SOX5: variants seen among roughly 807,000 people sequenced by gnomAD.
SOX5 encodes the protein transcription factor SOX-5.
Under a neutral mutation model 92.0 loss-of-function variants are expected in SOX5, and 9 were observed. The observed-to-expected ratio is 0.10, with a 90% confidence interval of 0.06 to 0.17. The LOEUF is 0.17. Among genes scored for constraint, SOX5 ranks in the 10% least tolerant of loss-of-function variants. The pLI, the probability that SOX5 is intolerant of heterozygous loss-of-function variation, is 1.00. For missense variants in SOX5, 642 were observed against 944.5 expected, an observed-to-expected ratio of 0.68 and a Z score of 4.20; for synonymous variants, 344 against 336.3, an observed-to-expected ratio of 1.02 and a Z score of -0.25.
chr12:23,578,589 G>A (rs1207926557), intron 9 of SOX5, among the ~76,000 whole-genome samples: 4 of 151,896 alleles, frequency 2.6e-5, no homozygotes, highest in Admixed American at 6.6e-5. Flanking sequence ...AATATAATTG[G>A]GACATATCAC....
At chr12:23,870,799 C>G (rs941224606) in intron 2 of SOX5, among the ~76,000 whole-genome samples, 4 of 152,110 alleles carry the variant, frequency 2.6e-5, no homozygotes, top group African/African-American at 9.7e-5. Flanking sequence ...ACTAAAACTT[C>G]TGGTTGTACT....
intron 4 of SOX5, among the ~76,000 whole-genome samples, chr12:24,111,677 A>C (rs1051701536): frequency 6.7e-6 from 1 of 148,596 alleles, no homozygotes; most frequent in Admixed American, 6.6e-5. Context: ...TATTTTATTT[A>C]AAAAAAGATT....
intron 4 of SOX5, among the ~76,000 whole-genome samples, chr12:23,956,310 C>CTGG (rs1339389255): frequency 6.6e-6 from 1 of 152,120 alleles, no homozygotes; most frequent in Non-Finnish European, 1.5e-5. Context: ...AGGCAGGGAT[C>CTGG]TCCAACCCCC....
chr12:24,297,023 A>G (rs1181775775), intron 2 of SOX5, among the ~76,000 whole-genome samples: 1 of 152,050 alleles, frequency 6.6e-6, no homozygotes, highest in Non-Finnish European at 1.5e-5. Flanking sequence ...CCAGACAGTT[A>G]ATTGAATTAA....
chr12:24,356,429 C>G (rs1221292813), intron 2 of SOX5, among the ~76,000 whole-genome samples: 4 of 152,118 alleles, frequency 2.6e-5, no homozygotes, highest in Admixed American at 1.3e-4. Context: ...TTGTTTCTCT[C>G]TGTTCCTCCT....
At chr12:24,548,134 CT>C (rs1427539467) in intron 1 of SOX5, among the ~76,000 whole-genome samples, 1 of 152,104 alleles carries the variant, frequency 6.6e-6, no homozygotes. Flanking sequence ...AGGAATCAGA[CT>C]CAGAGGGCTC....
intron 1 of SOX5, among the ~76,000 whole-genome samples, chr12:24,403,974 T>C (rs1318853973): frequency 1.3e-5 from 2 of 152,148 alleles, no homozygotes; most frequent in East Asian, 3.8e-4. Flanking sequence ...TAAAGCCATG[T>C]TTCCAAATCA....
chr12:23,734,873 CTGT>C lies in SOX5; in HGVS notation c.742-124_742-122del, dbSNP rs572817734. ...ATTAAGATGATGAAAATAGACGTGT[CTGT>C]GCTCCTAAATTATCAGCAATTCATC... is the stretch of plus-strand genomic sequence containing the variant. On this transcript the variant is annotated intron_variant, in intron 5 of 14. Coordinates refer to ENST00000451604, the MANE Select transcript of SOX5 (RefSeq NM_006940.6). The C allele has an allele frequency of 2.9e-4, 193 of 672,560 alleles. No individual in the cohort carries two copies. In the African/African-American group the frequency reaches 3.2e-3, roughly 11 times the overall value. The allele number at this position is 672,560 out of a possible 1,614,324, so 41.7% of individuals were successfully genotyped here.
intron 10 of SOX5, among the ~76,000 whole-genome samples, chr12:23,569,574 C>T (rs1308975323): frequency 6.6e-6 from 1 of 152,200 alleles, no homozygotes; most frequent in East Asian, 1.9e-4. Flanking sequence ...GTCAACTCTG[C>T]TTATCTTTCC....
intron 2 of SOX5, among the ~76,000 whole-genome samples, chr12:24,287,778 A>G (rs1316225273): frequency 1.3e-5 from 2 of 151,988 alleles, no homozygotes; most frequent in East Asian, 3.9e-4. Context: ...GCAATTCTTT[A>G]TGGTAGGTAT....
At chr12:24,248,590 G>A (rs190625196) in intron 3 of SOX5, among the ~76,000 whole-genome samples, 1 of 152,166 alleles carries the variant, frequency 6.6e-6, no homozygotes, top group Admixed American at 6.5e-5. Flanking sequence ...TTACCATGTT[G>A]GCCAGGCTGG....
intron 3 of SOX5, among the ~76,000 whole-genome samples, chr12:24,269,512 G>A (rs1943421713): frequency 6.6e-6 from 1 of 151,996 alleles, no homozygotes. Flanking sequence ...ATAATATGGT[G>A]TTCAACTAAG....
At chr12:23,714,576 G>A (rs1489880115) in intron 6 of SOX5, among the ~76,000 whole-genome samples, 1 of 152,130 alleles carries the variant, frequency 6.6e-6, no homozygotes, top group Non-Finnish European at 1.5e-5. Flanking sequence ...AGCCGAGATC[G>A]CGCCACTGTA....
chr12:24,087,016 C>T (rs1944074970), intron 4 of SOX5, among the ~76,000 whole-genome samples: 1 of 152,014 alleles, frequency 6.6e-6, no homozygotes, highest in South Asian at 2.1e-4. Flanking sequence ...TTTCACAAAA[C>T]TTAGAGTGAC....
intron 4 of SOX5, among the ~76,000 whole-genome samples, chr12:24,065,645 C>CAAAAAAAAA (rs71445983): frequency 6.1e-5 from 5 of 81,668 alleles, no homozygotes; most frequent in African/African-American, 1.1e-4. Flanking sequence ...GACTCCATCT[C>CAAAAAAAAA]AAAAAAAAAA....
At chr12:23,764,046 C>T (rs1472496392) in intron 3 of SOX5, among the ~76,000 whole-genome samples, 2 of 151,864 alleles carry the variant, frequency 1.3e-5, no homozygotes, top group Non-Finnish European at 2.9e-5. Context: ...CAAATTCTAG[C>T]TATTAGTTAC....
At chr12:24,237,322 C>A (rs745528174) in intron 3 of SOX5, among the ~76,000 whole-genome samples, 1 of 152,118 alleles carries the variant, frequency 6.6e-6, no homozygotes, top group Non-Finnish European at 1.5e-5. Flanking sequence ...CAATATCCTA[C>A]AACTTTTTGA....
intron 1 of SOX5, among the ~76,000 whole-genome samples, chr12:23,943,349 T>C (rs987772179): frequency 6.6e-6 from 1 of 152,034 alleles, no homozygotes; most frequent in Non-Finnish European, 1.5e-5. Flanking sequence ...CACTCCACAT[T>C]TCATTTAAGT....
chr12:24,428,421 T>C (rs992123191), intron 1 of SOX5, among the ~76,000 whole-genome samples: 11 of 152,114 alleles, frequency 7.2e-5, no homozygotes, highest in African/African-American at 2.4e-4. Context: ...AGTCCTTTCA[T>C]AGCAAAGATC....
Sources: allele counts gnomAD v4.1 joint callset (sites outside exome capture counted in the v4.1 genomes callset), GRCh38; gene constraint gnomAD v4.1.1; transcripts MANE v1.5; gene names NCBI Gene and HGNC (gene_info 2026-07-23, HGNC 2026-07-21).